The following KCNK10 variants were observed in gnomAD, a reference collection of about 807,000 sequenced individuals.
KCNK10 encodes potassium channel subfamily K member 10.
Under a neutral mutation model 47.7 loss-of-function variants are expected in KCNK10, and 25 were observed. That is an observed-to-expected ratio of 0.52 (90% CI 0.38 to 0.73). The LOEUF (loss-of-function observed/expected upper bound fraction) is 0.73. KCNK10 is among the 30% of genes least tolerant of loss of function. The probability of loss-of-function intolerance (pLI) is 0.00; values close to 1 mark genes in which losing one functional copy is unlikely to be tolerated. For synonymous variants in KCNK10, 303 were observed against 285.6 expected, an observed-to-expected ratio of 1.06 and a Z score of -0.61; for missense variants, 563 against 714.5, an observed-to-expected ratio of 0.79 and a Z score of 2.42.
Position 88,185,712 on chromosome 14 carries a change from G to A in KCNK10, c.1455C>T (p.Ser485=), listed in dbSNP as rs771267021. 1.9e-6 allele frequency: 3 copies of A among 1,614,118 alleles called. No individual in the cohort carries two copies. The highest frequency in any genetic ancestry group is 2.5e-6 in the Non-Finnish European group (3 of 1,180,028). The change falls in exon 7 of 7, where the codon TCC becomes TCT. Residue 485 remains serine, a synonymous_variant. Coordinates refer to ENST00000319231, the MANE Select transcript of KCNK10 (RefSeq NM_138317.3). This position sits in a 1 kb window ranked among gnomAD's most constrained non-coding sequence, Gnocchi z 4.3. ...QKIYKTFRNY[S]LDEEKKEEET... is the part of the protein sequence containing the mutation. ...CCTCCTCTTTCTTCTCCTCGTCCAG[G>A]GAGTAATTCCGGAAGGTCTTGTAGA...
chr14:88,223,407 TTC>T (rs1003100980), intron 4 of KCNK10, among the ~76,000 whole-genome samples: 2 of 151,734 alleles, frequency 1.3e-5, no homozygotes, highest in East Asian at 3.9e-4. Flanking sequence ...AAATATCATT[TTC>T]TTTCAATGAG....
intron 3 of KCNK10, 96 bp from the exon 4 acceptor site, chr14:88,227,631 A>C: frequency 1.7e-6 from 2 of 1,165,690 alleles, no homozygotes; most frequent in Non-Finnish European, 1.2e-6. Context: ...ACATTCCCCC[A>C]CCTTATGAGC....
chr14:88,257,339 C>T lies in KCNK10; in HGVS notation c.402+5863G>A, dbSNP rs139828155. Among the ~76,000 whole-genome samples the T allele has an allele frequency of 9.4e-3, 1,435 of 152,322 alleles. 8 individuals are homozygous for T. Among genetic ancestry groups the T allele is most frequent in the East Asian group, 0.016 (81 of 5,186 alleles). On this transcript the variant is annotated intron_variant, in intron 2 of 6. Transcript: ENST00000319231. ...AAGCACCTCCTCAGCCCAGCTCCCA[C>T]GACCCCCTTCCCAGTCTCATTTCCA...
intron 5 of KCNK10, among the ~76,000 whole-genome samples, chr14:88,188,872 C>A (rs995779408): frequency 1.3e-5 from 2 of 152,182 alleles, no homozygotes; most frequent in African/African-American, 4.8e-5. Context: ...GAATAATTAG[C>A]CTATTTATTC....
At chr14:88,307,018 G>A (rs1888215985) in intron 1 of KCNK10, among the ~76,000 whole-genome samples, 1 of 152,208 alleles carries the variant, frequency 6.6e-6, no homozygotes, top group Admixed American at 6.5e-5. Context: ...ACACCCAGTG[G>A]GACACACCCA....
intron 4 of KCNK10, among the ~76,000 whole-genome samples, chr14:88,202,233 T>C (rs1254853905): frequency 6.6e-6 from 1 of 152,220 alleles, no homozygotes; most frequent in Non-Finnish European, 1.5e-5. Context: ...TCAATGATAC[T>C]GCCATAGGTC....
In KCNK10 at chr14:88,323,216, G is replaced by GCGCACACACTCCCGCA; in HGVS notation, c.-434_-419dup. On this transcript the variant is annotated 5_prime_UTR_variant, in exon 1 of 7. Transcript: ENST00000319231. ...GTCACTCCAGCCCCCGAAGGCGTGT[G>GCGCACACACTCCCGCA]CGCACACACTCCCGCACACACACAC... is the stretch of plus-strand genomic sequence containing the variant. The GCGCACACACTCCCGCA allele has an allele frequency of 9.7e-7, 1 of 1,030,370 alleles. No individual in the cohort carries two copies. The highest frequency in any genetic ancestry group is 1.2e-6 in the Non-Finnish European group (1 of 856,890). 63.8% of individuals were successfully genotyped at this position (1,030,370 alleles called of 1,614,324 possible). A position where few individuals can be genotyped will look rare whatever the true frequency, so the allele number is the denominator to read the frequency against.
At chr14:88,267,369 CTTTTTCTTTTTT>C (rs1216441239) in intron 1 of KCNK10, among the ~76,000 whole-genome samples, 1 of 150,136 alleles carries the variant, frequency 6.7e-6, no homozygotes, top group African/African-American at 2.5e-5. Flanking sequence ...TTTTCTTTTT[CTTTTTCTTTTTT>C]TTTTTTTGAG....
intron 1 of KCNK10, among the ~76,000 whole-genome samples, chr14:88,283,121 T>C (rs73329813): frequency 0.041 from 6,266 of 152,240 alleles, 260 homozygotes; most frequent in African/African-American, 0.098. Context: ...AAGAGAGTGA[T>C]TATCACACTT....
chr14:88,309,667 G>A (rs923437225), intron 1 of KCNK10, among the ~76,000 whole-genome samples: 2 of 152,120 alleles, frequency 1.3e-5, no homozygotes, highest in African/African-American at 4.8e-5. Context: ...ATTGCCATAA[G>A]CATCACTGTT....
intron 2 of KCNK10, among the ~76,000 whole-genome samples, chr14:88,252,078 C>T (rs1886814447): frequency 6.6e-6 from 1 of 152,050 alleles, no homozygotes; most frequent in African/African-American, 2.4e-5. Context: ...TATTTCAAAC[C>T]AAGACACTTT....
At chr14:88,228,645 A>T (rs529822326) in intron 3 of KCNK10, among the ~76,000 whole-genome samples, 39 of 152,296 alleles carry the variant, frequency 2.6e-4, no homozygotes, top group Admixed American at 7.2e-4. Context: ...ATGCAACATG[A>T]TAAAAAAACG....
Position 88,185,635 on chromosome 14 carries a change from T to A in KCNK10, c.1532A>T (p.Asp511Val). 1 of 1,614,184 alleles carries A rather than the reference T, an allele frequency of 6.2e-7. No individual in the cohort carries two copies. The highest frequency in any genetic ancestry group is 1.7e-5 in the Admixed American group (1 of 60,026). The change falls in exon 7 of 7, where the codon GAC (aspartate) becomes GTC (valine). Residue 511 changes from aspartate to valine, a missense_variant. Asp to Val is a radical substitution (Grantham distance 152). Coordinates refer to ENST00000319231, the MANE Select transcript of KCNK10 (RefSeq NM_138317.3). This position sits in a 1 kb window ranked among gnomAD's most constrained non-coding sequence, Gnocchi z 4.3. Reference sequence around the variant, plus strand: ...CAACTCAGCGTGCTGCTGGATACAGTCCGTCAGCATGGCTGTGCTGGAGTT... The same window carrying A: ...CAACTCAGCGTGCTGCTGGATACAGACCGTCAGCATGGCTGTGCTGGAGTT... ...SDNSSTAMLT[D>V]CIQQHAELEN... is the part of the protein sequence containing the mutation.
At chr14:88,187,432 G>T (rs1323361630) in intron 6 of KCNK10, among the ~76,000 whole-genome samples, 2 of 151,850 alleles carry the variant, frequency 1.3e-5, no homozygotes, top group Non-Finnish European at 2.9e-5. Context: ...TACATGCACG[G>T]CCCTTCCTCA....
intron 2 of KCNK10, among the ~76,000 whole-genome samples, chr14:88,254,554 T>C (rs1566703727): frequency 1.3e-5 from 2 of 152,192 alleles, no homozygotes; most frequent in Admixed American, 1.3e-4. Context: ...AACCGAAGCA[T>C]TCATTCTACG....
At chr14:88,208,240 T>A (rs965065946) in intron 4 of KCNK10, among the ~76,000 whole-genome samples, 1 of 152,206 alleles carries the variant, frequency 6.6e-6, no homozygotes, top group African/African-American at 2.4e-5. Flanking sequence ...GATCATTTTT[T>A]AAAAATAGAA....
intron 4 of KCNK10, among the ~76,000 whole-genome samples, chr14:88,204,829 C>T (rs1264502017): frequency 2.0e-5 from 3 of 152,156 alleles, no homozygotes; most frequent in African/African-American, 4.8e-5. Context: ...CAGCCTTCCC[C>T]ACTATCAACA....
chr14:88,326,589 G>C (rs1473494963), upstream of KCNK10: 75 of 684,936 alleles, frequency 1.1e-4, no homozygotes, highest in Non-Finnish European at 9.5e-5. Context: ...ACAAAACATC[G>C]TGGCGCAAAG....
At chr14:88,206,728 C>G (rs913506236) in intron 4 of KCNK10, among the ~76,000 whole-genome samples, 1 of 152,164 alleles carries the variant, frequency 6.6e-6, no homozygotes, top group African/African-American at 2.4e-5. Context: ...AACAGAGCAC[C>G]TATTATTGAA....
Sources: gnomAD v4.1 joint callset for allele counts (sites outside exome capture counted in the v4.1 genomes callset) on GRCh38, gnomAD v4.1.1 for gene constraint, Gnocchi (gnomAD v3.1) non-coding constraint, MANE v1.5 for transcripts, NCBI Gene and HGNC (gene_info 2026-07-23, HGNC 2026-07-21) for gene names.